The following PDE4D variants were observed in gnomAD, a reference collection of about 807,000 sequenced individuals.
PDE4D encodes 3',5'-cyclic-AMP phosphodiesterase 4D.
PDE4D carries 24 observed loss-of-function variants against 87.4 expected under a neutral mutation model. That is an observed-to-expected ratio of 0.27 (90% CI 0.20 to 0.39). The LOEUF is 0.39. PDE4D is among the 10% of genes least tolerant of loss of function. PDE4D has a pLI of 1.00. For synonymous variants in PDE4D, 384 were observed against 383.2 expected (o/e 1.00, Z -0.02); for missense variants, 714 against 1,041.0 (o/e 0.69, Z 4.32).
intron 1 of PDE4D, among the ~76,000 whole-genome samples, chr5:59,768,804 C>G (rs949305630): frequency 3.3e-5 from 5 of 152,196 alleles, no homozygotes; most frequent in East Asian, 1.9e-4. Flanking sequence ...CGGCTTTGTC[C>G]GTGCTACAAA....
intron 5 of PDE4D, among the ~76,000 whole-genome samples, chr5:59,047,467 T>TA (rs1056744576): frequency 6.6e-6 from 1 of 152,166 alleles, no homozygotes; most frequent in African/African-American, 2.4e-5. Context: ...AAGAGGCCAT[T>TA]AAAAATCTTC....
At chr5:59,472,301 G>A (rs1802568416) in intron 1 of PDE4D, among the ~76,000 whole-genome samples, 1 of 152,082 alleles carries the variant, frequency 6.6e-6, no homozygotes, top group South Asian at 2.1e-4. Flanking sequence ...AACTTGCATA[G>A]CGCTCTTTAT....
At chr5:59,028,977 T>C (rs985421802) in intron 6 of PDE4D, among the ~76,000 whole-genome samples, 2 of 152,190 alleles carry the variant, frequency 1.3e-5, no homozygotes, top group Non-Finnish European at 1.5e-5. Context: ...TATGATTTCA[T>C]GTATACCATT....
rs537951727 is a variant in PDE4D at position 60,416,922 on chromosome 5, T to G, written c.-90+71020A>C. Among the ~76,000 whole-genome samples the G allele has an allele frequency of 1.1e-4, 17 of 152,318 alleles. No homozygotes were observed. The South Asian group carries it at 3.1e-3, about 28-fold the overall frequency. On this transcript the variant is annotated intron_variant, in intron 1 of 16. Coordinates refer to the PDE4D transcript ENST00000502484. ...TATGTAATATATAAAGCCATTGAGA[T>G]GTAGGGATTGGCCTGTTAAAGTCTT...
chr5:60,519,887 A>G (rs1217175379), intron 1 of PDE4D, among the ~76,000 whole-genome samples: 3 of 152,234 alleles, frequency 2.0e-5, no homozygotes, highest in African/African-American at 4.8e-5. Flanking sequence ...CCATATATGT[A>G]GGAGAAAAAA....
chr5:59,082,450 A>G (rs1766930588), intron 5 of PDE4D, among the ~76,000 whole-genome samples: 1 of 152,158 alleles, frequency 6.6e-6, no homozygotes, highest in Non-Finnish European at 1.5e-5. Flanking sequence ...ATTCAGGAGA[A>G]TCAACTGAAA....
At chr5:60,377,661 C>T (rs888433501) in intron 1 of PDE4D, among the ~76,000 whole-genome samples, 65 of 152,104 alleles carry the variant, frequency 4.3e-4, no homozygotes, top group African/African-American at 1.5e-3. Flanking sequence ...AGAATGATCC[C>T]AGAGGTAACT....
intron 1 of PDE4D, among the ~76,000 whole-genome samples, chr5:60,212,608 G>A (rs1416898272): frequency 6.6e-6 from 1 of 152,138 alleles, no homozygotes; most frequent in Non-Finnish European, 1.5e-5. Context: ...GCCTAACAAT[G>A]ACGCCAATAC....
intron 6 of PDE4D, among the ~76,000 whole-genome samples, chr5:59,014,818 A>G (rs141599770): frequency 1.3e-5 from 2 of 152,218 alleles, no homozygotes; most frequent in Non-Finnish European, 2.9e-5. Context: ...TTGCCAAGAC[A>G]ATCCTAAGCA....
intron 2 of PDE4D, among the ~76,000 whole-genome samples, chr5:60,077,018 A>G (rs1773371166): frequency 6.6e-6 from 1 of 152,192 alleles, no homozygotes; most frequent in Non-Finnish European, 1.5e-5. Context: ...GCTGATGGAC[A>G]CAAGACTGTG....
intron 5 of PDE4D, among the ~76,000 whole-genome samples, chr5:59,124,503 C>A (rs1775077926): frequency 6.6e-6 from 1 of 152,154 alleles, no homozygotes; most frequent in Admixed American, 6.5e-5. Context: ...GCTTACCTAG[C>A]CTCCCTCTTT....
chr5:60,295,690 G>C (rs898583169), intron 1 of PDE4D, among the ~76,000 whole-genome samples: 2 of 152,154 alleles, frequency 1.3e-5, no homozygotes, highest in Non-Finnish European at 2.9e-5. Context: ...GAACCACTGA[G>C]CTAAACTGAG....
chr5:59,385,646 C>T (rs1338087609), intron 1 of PDE4D, among the ~76,000 whole-genome samples: 3 of 152,086 alleles, frequency 2.0e-5, no homozygotes, highest in Non-Finnish European at 4.4e-5. Context: ...CAAGATTATA[C>T]CCATTTATAC....
At chr5:59,458,492 C>T (rs950060205) in intron 1 of PDE4D, among the ~76,000 whole-genome samples, 10 of 152,174 alleles carry the variant, frequency 6.6e-5, no homozygotes, top group Admixed American at 1.3e-4. Context: ...ACAAAGTAGG[C>T]GCTACTTGCC....
intron 5 of PDE4D, among the ~76,000 whole-genome samples, chr5:59,137,733 A>G (rs1255772214): frequency 6.6e-6 from 1 of 152,148 alleles, no homozygotes; most frequent in Non-Finnish European, 1.5e-5. Context: ...TCACCGTATT[A>G]ACCAGGATGG....
intron 2 of PDE4D, among the ~76,000 whole-genome samples, chr5:60,127,886 A>G (rs1267319571): frequency 6.6e-6 from 1 of 152,164 alleles, no homozygotes; most frequent in Non-Finnish European, 1.5e-5. Context: ...GTGTAAGGCA[A>G]TAAAAAGGAG....
chr5:59,013,186 A>G (rs976653857), intron 6 of PDE4D, among the ~76,000 whole-genome samples: 5 of 152,254 alleles, frequency 3.3e-5, no homozygotes, highest in Admixed American at 3.3e-4. Context: ...AAGTGCCCAC[A>G]AGAGAAAGCA....
chr5:60,114,978 A>ATGGATGGATGGCTGGC lies in PDE4D; in HGVS notation c.42+70578_42+70579insGCCAGCCATCCATCCA, dbSNP rs145654898. ...GATGGATGGATGGATGGATGGATGGATGGCTAGATAATACTTAGGATGCCT... is the reference window on the plus strand; with the variant it reads ...GATGGATGGATGGATGGATGGATGGATGGATGGATGGCTGGCTGGCTAGATAATACTTAGGATGCCT... On this transcript the variant is annotated intron_variant, in intron 2 of 16. Transcript: ENST00000502484. Among the ~76,000 whole-genome samples, 286 of 149,332 alleles carry ATGGATGGATGGCTGGC rather than the reference A, an allele frequency of 1.9e-3. 2 individuals are homozygous for ATGGATGGATGGCTGGC. The highest frequency in any genetic ancestry group is 4.7e-3 in the Admixed American group (71 of 14,976).
intron 1 of PDE4D, among the ~76,000 whole-genome samples, chr5:59,337,638 G>A (rs114757333): frequency 1.1e-3 from 163 of 152,228 alleles, no homozygotes; most frequent in Middle Eastern, 3.4e-3. Flanking sequence ...TAAACAGAGA[G>A]AGAATATACA....
Sources: allele counts gnomAD v4.1 joint callset (sites outside exome capture counted in the v4.1 genomes callset), GRCh38; gene constraint gnomAD v4.1.1; transcripts MANE v1.5; gene names NCBI Gene and HGNC (gene_info 2026-07-23, HGNC 2026-07-21).